Variants in CYP7B1 observed in about 807,000 individuals in gnomAD.
The protein encoded by CYP7B1 is cytochrome P450 7B1.
A neutral mutation model predicts 42.7 loss-of-function variants in CYP7B1; 29 were observed. That is an observed-to-expected ratio of 0.68 (90% confidence interval 0.51 to 0.93). CYP7B1 has a LOEUF of 0.93. CYP7B1 is among the 40% of genes least tolerant of loss of function. The probability of loss-of-function intolerance (pLI) is 0.00; values close to 1 mark genes in which losing one functional copy is unlikely to be tolerated. For missense variants in CYP7B1, 655 were observed against 600.5 expected, an observed-to-expected ratio of 1.09 and a Z score of -0.95; for synonymous variants, 235 against 218.2, an observed-to-expected ratio of 1.08 and a Z score of -0.68.
At position 64,625,005 on chromosome 8, in the gene CYP7B1, G is replaced by T. The variant is rs566992664; in HGVS notation, c.123-466C>A. ...TTTTTTTTTTTTGAGACGGAGTCTC[G>T]CTCTGTCACCCAGGCTGGAGTGCAC... On this transcript the variant is annotated intron_variant, in intron 1 of 5. Coordinates refer to ENST00000310193, the MANE Select transcript of CYP7B1 (RefSeq NM_004820.5). Among the ~76,000 whole-genome samples, 240 of 117,666 alleles carry T rather than the reference G, an allele frequency of 2.0e-3. 1 individual carries two copies. The highest frequency in any genetic ancestry group is 8.7e-3 in the African/African-American group (219 of 25,034). The allele number at this position is 117,666 out of a possible 152,430, so 77.2% of individuals were successfully genotyped here. A position where few individuals can be genotyped will look rare whatever the true frequency, so the allele number is the denominator to read the frequency against.
At chr8:64,661,843 G>A (rs1444261035) in intron 1 of CYP7B1, among the ~76,000 whole-genome samples, 2 of 152,164 alleles carry the variant, frequency 1.3e-5, no homozygotes, top group Non-Finnish European at 1.5e-5. Flanking sequence ...TTTAATATGA[G>A]ATGTATGCTT....
rs1009607300 is a variant in CYP7B1, at chr8:64,594,563, G to C, written c.*2079C>G. Among the ~76,000 whole-genome samples the C allele has an allele frequency of 3.9e-5, 6 of 152,078 alleles. No individual in the cohort carries two copies. Among genetic ancestry groups the C allele is most frequent in the African/African-American group, 1.4e-4 (6 of 41,410 alleles). On this transcript the variant is annotated 3_prime_UTR_variant, in exon 6 of 6. Coordinates refer to ENST00000310193, the MANE Select transcript of CYP7B1 (RefSeq NM_004820.5). ...GAAAGTGGGTATTAGGGACAAAACA[G>C]AATAAGTAAATAAAGCCAGAGGGAC...
At chr8:64,756,004 G>C (rs557257843) in intron 1 of CYP7B1, among the ~76,000 whole-genome samples, 1 of 152,318 alleles carries the variant, frequency 6.6e-6, no homozygotes, top group Admixed American at 6.5e-5. Context: ...GCAGGCTGTA[G>C]TCTGCTGAGC....
chr8:64,720,135 A>G (rs1430456596), intron 1 of CYP7B1, among the ~76,000 whole-genome samples: 1 of 152,172 alleles, frequency 6.6e-6, no homozygotes, highest in African/African-American at 2.4e-5. Flanking sequence ...AAAACACTGA[A>G]TAGCTAAGGA....
intron 1 of CYP7B1, among the ~76,000 whole-genome samples, chr8:64,794,313 AAGTCTGCAC>A (rs1320388316): frequency 6.6e-6 from 1 of 152,218 alleles, no homozygotes; most frequent in Admixed American, 6.5e-5. Context: ...GATCTGCTGG[AAGTCTGCAC>A]AGAGGCTTCA....
intron 1 of CYP7B1, among the ~76,000 whole-genome samples, chr8:64,627,186 C>G (rs41333745): frequency 0.087 from 13,280 of 152,230 alleles, 871 homozygotes; most frequent in African/African-American, 0.17. Flanking sequence ...AGATGGGAAT[C>G]TTACTCATTA....
intron 1 of CYP7B1, among the ~76,000 whole-genome samples, chr8:64,704,957 A>C: frequency 6.6e-6 from 1 of 152,024 alleles, no homozygotes; most frequent in Non-Finnish European, 1.5e-5. Context: ...ACCTTGCGTT[A>C]GATGTGTTTA....
chr8:64,605,575 T>C (rs951226529), intron 4 of CYP7B1, among the ~76,000 whole-genome samples: 1 of 152,168 alleles, frequency 6.6e-6, no homozygotes, highest in Non-Finnish European at 1.5e-5. Context: ...CGGCAATTTA[T>C]CCTGGCAGTT....
At chr8:64,792,900 C>T (rs1394979521) in intron 1 of CYP7B1, among the ~76,000 whole-genome samples, 1 of 151,872 alleles carries the variant, frequency 6.6e-6, no homozygotes, top group African/African-American at 2.4e-5. Flanking sequence ...ATTTTGGGGG[C>T]TCAGAGGGAA....
At chr8:64,751,557 A>G (rs1303328103) in intron 1 of CYP7B1, among the ~76,000 whole-genome samples, 1 of 152,212 alleles carries the variant, frequency 6.6e-6, no homozygotes, top group Non-Finnish European at 1.5e-5. Context: ...AAGTACATAT[A>G]TTAATCATCT....
intron 1 of CYP7B1, among the ~76,000 whole-genome samples, chr8:64,630,160 A>G (rs1585817985): frequency 6.6e-6 from 1 of 151,846 alleles, no homozygotes; most frequent in African/African-American, 2.4e-5. Context: ...AAGTGGGGGG[A>G]AAGAGTCTTA....
chr8:64,701,320 C>G (rs1806913537), intron 1 of CYP7B1, among the ~76,000 whole-genome samples: 1 of 151,994 alleles, frequency 6.6e-6, no homozygotes, highest in Non-Finnish European at 1.5e-5. Context: ...AAGATCATGC[C>G]CGTAATGCAT....
At chr8:64,676,784 G>A (rs1028263735) in intron 1 of CYP7B1, among the ~76,000 whole-genome samples, 3 of 151,806 alleles carry the variant, frequency 2.0e-5, no homozygotes, top group Admixed American at 1.3e-4. Context: ...ACTAGTTCAC[G>A]GCATTAAAAC....
chr8:64,643,778 C>T (rs186306721), intron 1 of CYP7B1, among the ~76,000 whole-genome samples: 50 of 152,290 alleles, frequency 3.3e-4, no homozygotes, highest in African/African-American at 1.2e-3. Flanking sequence ...TCACAGCATC[C>T]TCATTAGGAG....
At chr8:64,657,592 A>T (rs780715494) in intron 1 of CYP7B1, among the ~76,000 whole-genome samples, 9 of 152,180 alleles carry the variant, frequency 5.9e-5, no homozygotes, top group Non-Finnish European at 1.2e-4. Flanking sequence ...GCCAAACAGG[A>T]GTAGGGTTAA....
At chr8:64,700,129 C>A (rs984857797) in intron 1 of CYP7B1, among the ~76,000 whole-genome samples, 15 of 152,218 alleles carry the variant, frequency 9.9e-5, no homozygotes, top group African/African-American at 3.6e-4. Flanking sequence ...ATTCACCATG[C>A]ACACACATCA....
intron 1 of CYP7B1, among the ~76,000 whole-genome samples, chr8:64,720,306 T>C (rs1807217903): frequency 6.6e-6 from 1 of 152,142 alleles, no homozygotes; most frequent in African/African-American, 2.4e-5. Context: ...AGTTGAAAAC[T>C]TCACCTTGAA....
intron 1 of CYP7B1, among the ~76,000 whole-genome samples, chr8:64,702,652 C>A (rs566072647): frequency 6.6e-6 from 1 of 152,194 alleles, no homozygotes; most frequent in South Asian, 2.1e-4. Flanking sequence ...GTGACCTTGA[C>A]TGACAAGCGC....
chr8:64,767,598 A>C (rs1034505280), intron 1 of CYP7B1, among the ~76,000 whole-genome samples: 1 of 152,244 alleles, frequency 6.6e-6, no homozygotes, highest in Non-Finnish European at 1.5e-5. Flanking sequence ...CAAACGTTTC[A>C]CTTAGGCATT....
Sources: allele counts gnomAD v4.1 joint callset (sites outside exome capture counted in the v4.1 genomes callset), GRCh38; gene constraint gnomAD v4.1.1; transcripts MANE v1.5; gene names NCBI Gene and HGNC (gene_info 2026-07-23, HGNC 2026-07-21).